Variants in SCTR observed in about 807,000 individuals in gnomAD.
The protein encoded by SCTR is pancreatic secretin receptor.
A neutral mutation model predicts 60.8 loss-of-function variants in SCTR; 56 were observed. That is an observed-to-expected ratio of 0.92 (90% CI 0.74 to 1.15). The LOEUF is 1.15. Among genes scored for constraint, SCTR ranks in the 50% most tolerant of loss-of-function variants. The pLI is 0.00. For synonymous variants in SCTR, 202 were observed against 217.0 expected (o/e 0.93, Z 0.61); for missense variants, 562 against 550.4 (o/e 1.02, Z -0.21).
intron 1 of SCTR, among the ~76,000 whole-genome samples, chr2:119,509,025 G>A (rs945302615): frequency 6.6e-6 from 1 of 152,222 alleles, no homozygotes; most frequent in Non-Finnish European, 1.5e-5. Flanking sequence ...GCCCTATGGG[G>A]TTTATACATA....
intron 1 of SCTR, among the ~76,000 whole-genome samples, chr2:119,507,416 A>G (rs1412033515): frequency 6.6e-6 from 1 of 152,218 alleles, no homozygotes; most frequent in Admixed American, 6.5e-5. Flanking sequence ...GAAGGTAGAC[A>G]ACCAATGTGT....
intron 1 of SCTR, among the ~76,000 whole-genome samples, chr2:119,499,162 A>G (rs891635850): frequency 6.6e-6 from 1 of 152,056 alleles, no homozygotes; most frequent in African/African-American, 2.4e-5. Flanking sequence ...AAGGCAAGCT[A>G]TCAAAAAATA....
At chr2:119,496,130 T>G (rs1678335432) in intron 1 of SCTR, among the ~76,000 whole-genome samples, 1 of 152,224 alleles carries the variant, frequency 6.6e-6, no homozygotes, top group Non-Finnish European at 1.5e-5. Context: ...CCCTCTGGCT[T>G]CTCAGTGGAG....
chr2:119,481,160 T>A (rs1307078104), intron 2 of SCTR, among the ~76,000 whole-genome samples: 1 of 152,262 alleles, frequency 6.6e-6, no homozygotes, highest in Non-Finnish European at 1.5e-5. Context: ...TGGCAATTCT[T>A]AGCTCTGGGG....
intron 10 of SCTR, among the ~76,000 whole-genome samples, chr2:119,448,452 T>C (rs1321357566): frequency 6.6e-6 from 1 of 152,064 alleles, no homozygotes; most frequent in African/African-American, 2.4e-5. Context: ...AAGGATAAGA[T>C]CTCTCTGCCG....
chr2:119,481,393 C>A (rs887069000), intron 2 of SCTR, among the ~76,000 whole-genome samples: 1 of 152,186 alleles, frequency 6.6e-6, no homozygotes, highest in South Asian at 2.1e-4. Flanking sequence ...AGCTGGGTGC[C>A]TGTCAGAGAT....
intron 1 of SCTR, among the ~76,000 whole-genome samples, chr2:119,506,354 C>G (rs554820114): frequency 1.3e-5 from 2 of 152,206 alleles, no homozygotes; most frequent in Non-Finnish European, 2.9e-5. Flanking sequence ...ATATATGCAC[C>G]AACCTAGACG....
In SCTR at chr2:119,453,367, G is replaced by T. The variant is rs762936238; in HGVS notation, c.791-20C>A. On this transcript the variant is annotated intron_variant, in intron 7 of 12. Coordinates refer to ENST00000019103, the MANE Select transcript of SCTR (RefSeq NM_002980.3). ...GAGAACCTGAGGATTAAAAACAAAG[G>T]GAGGGGCAGAAGAGAGAGGACTCAA... is the stretch of plus-strand genomic sequence containing the variant. 2.5e-6 allele frequency: 4 copies of T among 1,603,292 alleles called. No homozygotes were observed. The highest frequency in any genetic ancestry group is 4.5e-5 in the East Asian group (2 of 44,834).
intron 1 of SCTR, among the ~76,000 whole-genome samples, chr2:119,508,419 CT>C (rs1678827356): frequency 1.8e-5 from 2 of 108,912 alleles, no homozygotes; most frequent in African/African-American, 7.3e-5. Flanking sequence ...GGCAATCTCG[CT>C]CTGTTGCCCA....
intron 1 of SCTR, among the ~76,000 whole-genome samples, chr2:119,501,569 G>A (rs1678552819): frequency 6.6e-6 from 1 of 152,136 alleles, no homozygotes; most frequent in Non-Finnish European, 1.5e-5. Flanking sequence ...AATATAAGTA[G>A]GGAGATGATA....
chr2:119,442,639 G>A (rs912114032), intron 11 of SCTR, among the ~76,000 whole-genome samples: 7 of 152,194 alleles, frequency 4.6e-5, no homozygotes, highest in African/African-American at 1.4e-4. Context: ...AGAATTTCAG[G>A]TATCAATGAC....
At chr2:119,475,314 G>A (rs1677224661) in intron 3 of SCTR, among the ~76,000 whole-genome samples, 1 of 152,224 alleles carries the variant, frequency 6.6e-6, no homozygotes, top group Admixed American at 6.5e-5. Flanking sequence ...TTATAAGACA[G>A]CGCGTGCCTA....
At chr2:119,474,790 G>C (rs1038649881) in intron 3 of SCTR, among the ~76,000 whole-genome samples, 2 of 152,168 alleles carry the variant, frequency 1.3e-5, no homozygotes, top group African/African-American at 4.8e-5. Context: ...TGCTATCACT[G>C]TTCTACCCAC....
At position 119,475,087 on chromosome 2, in the gene SCTR, C is replaced by T. The variant is rs115840574; in HGVS notation, c.302-1531G>A. On this transcript the variant is annotated intron_variant, in intron 3 of 12. Transcript: ENST00000019103. ...GCTGGTGCCAGGCACAGAGCGGGCA[C>T]CGAGGCATCACTCCCCTCTCTTTTT... 7.6e-3 allele frequency among the ~76,000 whole-genome samples: 1,150 copies of T among 152,312 alleles called. 12 individuals are homozygous for T. Among genetic ancestry groups the T allele is most frequent in the African/African-American group, 0.025 (1,057 of 41,560 alleles).
At chr2:119,519,636 C>G (rs1240382723) in intron 1 of SCTR, among the ~76,000 whole-genome samples, 2 of 151,562 alleles carry the variant, frequency 1.3e-5, no homozygotes, top group African/African-American at 4.9e-5. Flanking sequence ...GAAACCCCAT[C>G]TCTACTAAAA....
intron 1 of SCTR, among the ~76,000 whole-genome samples, chr2:119,519,071 G>A (rs1283917813): frequency 6.6e-6 from 1 of 152,100 alleles, no homozygotes; most frequent in East Asian, 1.9e-4. Context: ...AAGTTCAAGC[G>A]ATTCTCCTGC....
At chr2:119,465,748 G>C in intron 5 of SCTR, 41 bp downstream of exon 5, 1 of 1,365,574 alleles carries the variant, frequency 7.3e-7, no homozygotes, top group South Asian at 1.2e-5. Context: ...GTCTGTACCT[G>C]AGGAGGGCTG....
chr2:119,521,683 C>G (rs1423523045), intron 1 of SCTR, among the ~76,000 whole-genome samples: 1 of 152,176 alleles, frequency 6.6e-6, no homozygotes, highest in Non-Finnish European at 1.5e-5. Flanking sequence ...TTTGGCCTCA[C>G]TGACCCCCCT....
rs567176804 is a variant in SCTR at position 119,502,574 on chromosome 2, A to C, written c.73-8026T>G. Among the ~76,000 whole-genome samples the C allele has an allele frequency of 9.2e-5, 14 of 152,176 alleles. No individual in the cohort carries two copies. The South Asian group carries it at 2.5e-3, about 27-fold the overall frequency. On this transcript the variant is annotated intron_variant, in intron 1 of 12. Coordinates refer to ENST00000019103, the MANE Select transcript of SCTR (RefSeq NM_002980.3). ...ATACCTAAAAGAGGTGTTTTTTTTT[A>C]AGAAGTGAAATTAATTATTCATAAG...
Sources: allele counts gnomAD v4.1 joint callset (sites outside exome capture counted in the v4.1 genomes callset), GRCh38; gene constraint gnomAD v4.1.1; transcripts MANE v1.5; gene names NCBI Gene and HGNC (gene_info 2026-07-23, HGNC 2026-07-21).